Variants in MYBPC3 observed in about 807,000 individuals in gnomAD.
The protein encoded by MYBPC3 is myosin binding protein C3, also known as myosin-binding protein C, cardiac-type.
MYBPC3 carries 108 observed loss-of-function variants against 159.3 expected under a neutral mutation model. That is an observed-to-expected ratio of 0.68 (90% CI 0.58 to 0.80). The LOEUF (loss-of-function observed/expected upper bound fraction) is 0.80. MYBPC3 is among the 30% of genes least tolerant of loss of function. MYBPC3 has a pLI of 0.00. For synonymous variants in MYBPC3, 730 were observed against 702.0 expected (o/e 1.04, Z -0.63); for missense variants, 1,631 against 1,762.1 (o/e 0.93, Z 1.33).
chr11:47,339,410 A>G lies in MYBPC3; in HGVS notation c.2068-6T>C. ...CTGGCTGGGGCCTTATTCCCCTGGG[A>G]ACAGGGCAGGAGGGAAGTAGGGAGC... On this transcript the variant is annotated splice_region_variant and splice_polypyrimidine_tract_variant and intron_variant, in intron 21 of 34. Transcript: ENST00000545968. 1 of 1,613,858 alleles carries G rather than the reference A, an allele frequency of 6.2e-7. No homozygotes were observed. The highest frequency in any genetic ancestry group is 8.5e-7 in the Non-Finnish European group (1 of 1,179,758).
At position 47,346,757 on chromosome 11, in the gene MYBPC3, G is replaced by A. The variant is rs150882537; in HGVS notation, c.909-113C>T. ...GGCCTTTACTTCCTCCCTATTTTCC[G>A]CACTTGCACTCCCTGTGTTGTGGGG... is the stretch of plus-strand genomic sequence containing the variant. On this transcript the variant is annotated intron_variant, in intron 10 of 34. Coordinates refer to ENST00000545968, the MANE Select transcript of MYBPC3 (RefSeq NM_000256.3). This position sits in a 1 kb window ranked among gnomAD's most constrained non-coding sequence, Gnocchi z 5.3. The A allele has an allele frequency of 1.8e-5, 21 of 1,153,320 alleles. No individual in the cohort carries two copies. The highest frequency in any genetic ancestry group is 1.8e-4 in the East Asian group (7 of 38,496). The allele number at this position is 1,153,320 out of a possible 1,614,324, so 71.4% of individuals were successfully genotyped here.
chr11:47,336,842 A>T lies in MYBPC3; in HGVS notation c.2602+549T>A, dbSNP rs561709118. Among the ~76,000 whole-genome samples the T allele has an allele frequency of 3.5e-4, 54 of 152,312 alleles. No individual in the cohort carries two copies. The South Asian group carries it at 0.011, about 32-fold the overall frequency. On this transcript the variant is annotated intron_variant, in intron 25 of 34. Coordinates refer to ENST00000545968, the MANE Select transcript of MYBPC3 (RefSeq NM_000256.3). ...GAGGAAGCTGAGGCTTCAGGGAGGG[A>T]TGACTCCAGTTGGCCCCCCGGGGAC...
chr11:47,344,534 G>A (rs2095892346), intron 12 of MYBPC3, among the ~76,000 whole-genome samples: 1 of 152,172 alleles, frequency 6.6e-6, no homozygotes, highest in African/African-American at 2.4e-5. Context: ...GCTGAGCCCA[G>A]GGAGGAAGTG....
chr11:47,334,941 G>T (rs1489694688), intron 27 of MYBPC3, 101 bp downstream of exon 27: 1 of 1,310,976 alleles, frequency 7.6e-7, no homozygotes, highest in Admixed American at 3.5e-5. Context: ...AGCGTTCTGG[G>T]CAGAGCATTC....
rs186652989 is a variant in MYBPC3 at position 47,345,870 on chromosome 11, A to G, written c.1090+337T>C. Among the ~76,000 whole-genome samples, 31 of 151,878 alleles carry G rather than the reference A, an allele frequency of 2.0e-4. 2 individuals are homozygous for G. Among genetic ancestry groups the G allele is most frequent in the African/African-American group, 7.0e-4 (29 of 41,400 alleles). Reference sequence around the variant, plus strand: ...GGGTAGAGAAAGAAAGTGTAGCCTGATTTTTCCTTGGTGAGGAGGGTTAAC... The same window carrying G: ...GGGTAGAGAAAGAAAGTGTAGCCTGGTTTTTCCTTGGTGAGGAGGGTTAAC... On this transcript the variant is annotated intron_variant, in intron 12 of 34. Transcript: ENST00000545968.
chr11:47,336,719 G>A (rs1180737462), intron 25 of MYBPC3, among the ~76,000 whole-genome samples: 1 of 152,088 alleles, frequency 6.6e-6, no homozygotes, highest in East Asian at 1.9e-4. Context: ...ACAGGCAGCT[G>A]CCCCCGGACT....
chr11:47,337,703 C>G lies in MYBPC3; in HGVS notation c.2400G>C (p.Gly800=). Residue 800 remains glycine, a synonymous_variant, in exon 24 of 35, where the codon GGG becomes GGC. Transcript: ENST00000545968. The part of the protein sequence containing the change: ...VQWEPPAYDG[G]QPILGYILER... ...CCTTGCACTCACCCAGGATGGGCTG[C>G]CCGCCATCGTAGGCAGGCGGCTCCC... 1.3e-6 allele frequency: 2 copies of G among 1,579,712 alleles called. No individual in the cohort carries two copies. Among genetic ancestry groups the G allele is most frequent in the Non-Finnish European group, 1.7e-6 (2 of 1,162,858 alleles).
At chr11:47,349,026 C>G (rs184171292) in intron 5 of MYBPC3, among the ~76,000 whole-genome samples, 6 of 149,518 alleles carry the variant, frequency 4.0e-5, no homozygotes, top group Non-Finnish European at 7.4e-5. Flanking sequence ...GGGACTATCT[C>G]GAAACCCATG....
rs1280352639 is a variant in MYBPC3, at chr11:47,342,934, C to G, written c.1353G>C (p.Glu451Asp). The G allele has an allele frequency of 4.3e-6, 7 of 1,610,908 alleles. No individual in the cohort carries two copies. In the South Asian group the frequency reaches 6.6e-5, roughly 15 times the overall value. The stretch of plus-strand genomic sequence containing the variant: ...AGGGGCGCGTGATGAGCACAGGGGG[C>G]TCTGTCCAGGCAGGGTGAGCATGAG... ...EKCSTELFVK[E>D]PPVLITRPLE... is the part of the protein sequence containing the mutation. The change falls in exon 16 of 35, where the codon GAG (glutamate) becomes GAC (aspartate). Residue 451 changes from glutamate (E) to aspartate (D), a missense_variant and splice_region_variant. Transcript: ENST00000545968.
In MYBPC3 at chr11:47,342,103, C is replaced by G. The variant is rs750030159; in HGVS notation, c.1678G>C (p.Asp560His). The G allele has an allele frequency of 5.6e-6, 9 of 1,614,016 alleles. No individual in the cohort carries two copies. The highest frequency in any genetic ancestry group is 7.6e-6 in the Non-Finnish European group (9 of 1,179,886). Residue 560 changes from aspartate to histidine, a missense_variant, in exon 18 of 35, where the codon GAC becomes CAC. Coordinates refer to ENST00000545968, the MANE Select transcript of MYBPC3 (RefSeq NM_000256.3). ...SIADLMVGAK[D>H]QAVFKCEVSD... ...ACCTCACATTTGAACACCGCCTGGT[C>G]CTTTGCGCCCACCATCAGGTCTGCG...
At position 47,333,255 on chromosome 11, in the gene MYBPC3, T is replaced by G; in HGVS notation, c.3269A>C (p.Gln1090Pro). ...CCAGAGCTCCGTGTTGCCGACATCC[T>G]GGGGTGGCTTCCACTCCAGAGCCAC... Reference protein sequence around the residue: ...LNVALEWKPPQDVGNTELWGY... With the variant: ...LNVALEWKPPPDVGNTELWGY... The change falls in exon 30 of 35, where the codon CAG (glutamine) becomes CCG (proline). Residue 1090 changes from glutamine to proline, a missense_variant. Coordinates refer to ENST00000545968, the MANE Select transcript of MYBPC3 (RefSeq NM_000256.3). 1 of 1,586,810 alleles carries G rather than the reference T, an allele frequency of 6.3e-7. No individual in the cohort carries two copies. The highest frequency in any genetic ancestry group is 8.6e-7 in the Non-Finnish European group (1 of 1,166,092).
At position 47,342,563 on chromosome 11, in the gene MYBPC3, C is replaced by T; in HGVS notation, c.1624+15G>A. On this transcript the variant is annotated intron_variant, in intron 17 of 34. Coordinates refer to ENST00000545968, the MANE Select transcript of MYBPC3 (RefSeq NM_000256.3). Reference sequence around the variant, plus strand: ...CAAGCCCTAAAGCCTCATGTGCCCCCCCAGCCAGGCTCACCCTGCACAATG... The same window carrying T: ...CAAGCCCTAAAGCCTCATGTGCCCCTCCAGCCAGGCTCACCCTGCACAATG... 1 of 1,564,028 alleles carries T rather than the reference C, an allele frequency of 6.4e-7. No homozygotes were observed. The highest frequency in any genetic ancestry group is 2.3e-5 in the East Asian group (1 of 44,282).
At chr11:47,333,149 G>A (rs763489755) in intron 30 of MYBPC3, 45 bp downstream of exon 30, 12 of 1,576,062 alleles carry the variant, frequency 7.6e-6, no homozygotes, top group African/African-American at 2.7e-5. Flanking sequence ...TGGGTCTGCC[G>A]GGCCTAGGCA....
chr11:47,339,748 T>TAG lies in MYBPC3; in HGVS notation c.1969_1970insCT (p.Asp657AlafsTer7). The TAG allele has an allele frequency of 6.2e-7, 1 of 1,613,902 alleles. No homozygotes were observed. The highest frequency in any genetic ancestry group is 8.5e-7 in the Non-Finnish European group (1 of 1,179,826). ...ATTTCCAGCTACAACCACAATGGTGTCTGGTATGCGGCCTGGGCAGTCCAG... is the reference window on the plus strand; with the variant it reads ...ATTTCCAGCTACAACCACAATGGTGTAGCTGGTATGCGGCCTGGGCAGTCCAG... On this transcript the variant is annotated frameshift_variant, in exon 21 of 35. Transcript: ENST00000545968. LOFTEE classifies it high-confidence loss of function.
At chr11:47,344,312 T>C (rs2095892157) in intron 12 of MYBPC3, among the ~76,000 whole-genome samples, 1 of 152,170 alleles carries the variant, frequency 6.6e-6, no homozygotes, top group South Asian at 2.1e-4. Flanking sequence ...CTAGCAGCCC[T>C]CTGTGCCCAG....
chr11:47,341,146 T>C lies in MYBPC3; in HGVS notation c.1889A>G (p.His630Arg). 6.3e-7 allele frequency: 1 copy of C among 1,594,284 alleles called. No individual in the cohort carries two copies. The highest frequency in any genetic ancestry group is 8.5e-7 in the Non-Finnish European group (1 of 1,170,304). ...GFACNLSAKL[H>R]FMEVKIDFVP... ...CCCTGGAGCAGGCTCACCCATGAAG[T>C]GGAGCTTGGCTGACAGGTTGCAGGC... The change falls in exon 19 of 35, where the codon CAC (histidine) becomes CGC (arginine). Residue 630 changes from histidine to arginine, a missense_variant. Coordinates refer to ENST00000545968, the MANE Select transcript of MYBPC3 (RefSeq NM_000256.3).
intron 18 of MYBPC3, 131 bp from the exon 19 acceptor site, chr11:47,341,375 C>CT (rs199998651): frequency 1.2e-3 from 718 of 620,932 alleles, no homozygotes; most frequent in South Asian, 1.6e-3. Flanking sequence ...TTAAAAATGC[C>CT]TTTTTTTTTC....
At chr11:47,350,710 G>A in intron 2 of MYBPC3, 95 bp from the exon 3 acceptor site, 2 of 1,387,178 alleles carry the variant, frequency 1.4e-6, no homozygotes, top group Non-Finnish European at 1.9e-6. Flanking sequence ...GCCCGCTGTG[G>A]ATGAGGAAAG....
chr11:47,351,399 G>T lies in MYBPC3; in HGVS notation c.132C>A (p.Arg44=), dbSNP rs377579620. 6.2e-7 allele frequency: 1 copy of T among 1,609,522 alleles called. No individual in the cohort carries two copies. Among genetic ancestry groups the T allele is most frequent in the South Asian group, 1.1e-5 (1 of 90,424 alleles). Residue 44 remains arginine (R), a synonymous_variant, in exon 2 of 35, where the codon CGC becomes CGA. Transcript: ENST00000545968. This position sits in a 1 kb window ranked among gnomAD's most constrained non-coding sequence, Gnocchi z 4.2. ...ERAGVKVRWQ[R]GGSDISASNK... ...TGCTGGCGCTGATGTCACTGCCTCC[G>T]CGCTGCCAGCGCACCTTCACTCCTG... is the stretch of plus-strand genomic sequence containing the variant.
Sources: allele counts gnomAD v4.1 joint callset (sites outside exome capture counted in the v4.1 genomes callset), GRCh38; gene constraint gnomAD v4.1.1; non-coding constraint Gnocchi (gnomAD v3.1); transcripts MANE v1.5; gene names NCBI Gene and HGNC (gene_info 2026-07-23, HGNC 2026-07-21).